RAF1: variants seen among roughly 807,000 people sequenced by gnomAD.
The protein encoded by RAF1 is Raf-1 proto-oncogene, serine/threonine kinase.
RAF1 carries 27 observed loss-of-function variants against 81.1 expected under a neutral mutation model. The observed-to-expected ratio is 0.33, with a 90% CI of 0.25 to 0.46. The LOEUF (loss-of-function observed/expected upper bound fraction) is 0.46. Ranked by LOEUF, RAF1 falls within the 20% of genes least tolerant of loss-of-function variation. The pLI, the probability that RAF1 is intolerant of heterozygous loss-of-function variation, is 1.00. For missense variants in RAF1, 598 were observed against 826.0 expected, an observed-to-expected ratio of 0.72 and a Z score of 3.38; for synonymous variants, 298 against 294.0, an observed-to-expected ratio of 1.01 and a Z score of -0.14.
chr3:12,661,109 G>A (rs1013761335), intron 1 of RAF1, among the ~76,000 whole-genome samples: 2 of 152,140 alleles, frequency 1.3e-5, no homozygotes, highest in African/African-American at 4.8e-5. Flanking sequence ...AATCCTGAAT[G>A]TTCTTCAGTG....
intron 6 of RAF1, among the ~76,000 whole-genome samples, chr3:12,604,767 C>A (rs577881055): frequency 6.6e-6 from 1 of 152,224 alleles, no homozygotes; most frequent in East Asian, 1.9e-4. Flanking sequence ...CCTGCTACAA[C>A]CAGCAAACAA....
intron 5 of RAF1, among the ~76,000 whole-genome samples, chr3:12,607,325 T>C (rs977179687): frequency 6.6e-6 from 1 of 152,130 alleles, no homozygotes. Context: ...ATGACAACAC[T>C]GAGATTTTGA....
chr3:12,618,696 T>C lies in RAF1; in HGVS notation c.26A>G (p.Lys9Arg). 6.2e-7 allele frequency: 1 copy of C among 1,614,210 alleles called. No homozygotes were observed. The highest frequency in any genetic ancestry group is 8.5e-7 in the Non-Finnish European group (1 of 1,180,048). ...GAATCCAAAACCATTGCTGATCGTCTTCCAAGCTCCCTGTATGTGCTCCAT... is the reference window on the plus strand; with the variant it reads ...GAATCCAAAACCATTGCTGATCGTCCTCCAAGCTCCCTGTATGTGCTCCAT... Residue 9 changes from lysine (K) to arginine (R), a missense_variant, in exon 2 of 18, where the codon AAG becomes AGG. Lys to Arg is a conservative substitution (Grantham distance 26). This residue lies in a region of RAF1 where 83 missense variants were observed against 72.3 expected (regional missense o/e 1.15). Coordinates refer to ENST00000442415, the MANE Select transcript of RAF1 (RefSeq NM_001354689.3).
chr3:12,656,186 A>G (rs1472065628), intron 1 of RAF1, among the ~76,000 whole-genome samples: 5 of 150,280 alleles, frequency 3.3e-5, no homozygotes, highest in South Asian at 2.1e-4. Context: ...AAATCACACT[A>G]TAATGCTGGA....
chr3:12,662,010 C>A (rs1374493110), intron 1 of RAF1, among the ~76,000 whole-genome samples: 2 of 151,808 alleles, frequency 1.3e-5, no homozygotes, highest in East Asian at 1.9e-4. Flanking sequence ...CATAGTGTGA[C>A]CCCCTCTCTA....
chr3:12,638,473 A>T (rs913203255), intron 1 of RAF1, among the ~76,000 whole-genome samples: 1 of 152,214 alleles, frequency 6.6e-6, no homozygotes, highest in Non-Finnish European at 1.5e-5. Context: ...AGTTCATCAA[A>T]CAAGTCCCAA....
Position 12,602,978 on chromosome 3 carries a change from C to G in RAF1, c.894+500G>C, listed in dbSNP as rs113683948. 3.3e-5 allele frequency among the ~76,000 whole-genome samples: 5 copies of G among 152,266 alleles called. 1 individual carries two copies. Among genetic ancestry groups the G allele is most frequent in the African/African-American group, 9.6e-5 (4 of 41,544 alleles). On this transcript the variant is annotated intron_variant, in intron 8 of 17. Transcript: ENST00000442415. ...AGAATACCAATGCTGTGAGCACCAA[C>G]TAAGTAAGTCTAACATTAGCCTTTG...
intron 1 of RAF1, among the ~76,000 whole-genome samples, chr3:12,632,915 A>T (rs2059905353): frequency 6.6e-6 from 1 of 152,218 alleles, no homozygotes; most frequent in African/African-American, 2.4e-5. Flanking sequence ...TGACTGGAGG[A>T]TTCCAGACCC....
rs2058261337 is a variant in RAF1, at chr3:12,584,629, T to A, written c.1892A>T (p.His631Leu). 6.2e-7 allele frequency: 1 copy of A among 1,613,650 alleles called. No homozygotes were observed. Among genetic ancestry groups the A allele is most frequent in the Non-Finnish European group, 8.5e-7 (1 of 1,179,872 alleles). ...GCTCCGGTTGATCTTCGGTAGAGAGTGTTGGAGCAGCTCAATGGAAGACAG... is the reference window on the plus strand; with the variant it reads ...GCTCCGGTTGATCTTCGGTAGAGAGAGTTGGAGCAGCTCAATGGAAGACAG... The change falls in exon 18 of 18, where the codon CAC (histidine) becomes CTC (leucine). Residue 631 changes from histidine (H) to leucine (L), a missense_variant. His to Leu is a moderately conservative substitution (Grantham distance 99). Transcript: ENST00000442415.
intron 2 of RAF1, among the ~76,000 whole-genome samples, chr3:12,617,690 A>G (rs981238836): frequency 6.6e-6 from 1 of 152,026 alleles, no homozygotes; most frequent in African/African-American, 2.4e-5. Context: ...GTTTGAGACC[A>G]GCCTGGTTAA....
chr3:12,629,158 T>C (rs1393358932), intron 1 of RAF1, among the ~76,000 whole-genome samples: 1 of 152,186 alleles, frequency 6.6e-6, no homozygotes, highest in African/African-American at 2.4e-5. Flanking sequence ...ACAATGGTAG[T>C]TGTAGAATCC....
intron 11 of RAF1, among the ~76,000 whole-genome samples, chr3:12,595,339 TG>T (rs1464882043): frequency 6.6e-6 from 1 of 152,186 alleles, no homozygotes; most frequent in Non-Finnish European, 1.5e-5. Flanking sequence ...CCTAAAGTGT[TG>T]GGGTTATAGA....
chr3:12,597,429 TGGCTTTTAGCTGG>T (rs1484823003), intron 11 of RAF1, among the ~76,000 whole-genome samples: 1 of 152,220 alleles, frequency 6.6e-6, no homozygotes, highest in Non-Finnish European at 1.5e-5. Flanking sequence ...CTTCATCCGC[TGGCTTTTAGCTGG>T]GGCTTTTAAA....
chr3:12,595,700 C>T (rs1415443342), intron 11 of RAF1, among the ~76,000 whole-genome samples: 2 of 152,040 alleles, frequency 1.3e-5, no homozygotes, highest in African/African-American at 4.8e-5. Flanking sequence ...CACCCTCGCC[C>T]TCCATGCAAA....
chr3:12,652,133 T>C (rs2060551340), intron 1 of RAF1, among the ~76,000 whole-genome samples: 2 of 151,528 alleles, frequency 1.3e-5, no homozygotes, highest in South Asian at 2.1e-4. Context: ...GGAGAATCGC[T>C]TGAACCCAGG....
At chr3:12,604,011 A>C (rs1575572700) in intron 7 of RAF1, 125 bp downstream of exon 7, 8 of 1,086,610 alleles carry the variant, frequency 7.4e-6, no homozygotes, top group Non-Finnish European at 1.1e-5. Flanking sequence ...AAACTGTAAA[A>C]GTCCAGAGAC....
At position 12,604,225 on chromosome 3, in the gene RAF1, C is replaced by T. The variant is rs1575573452; in HGVS notation, c.745G>A (p.Gly249Ser). 2.5e-6 allele frequency: 4 copies of T among 1,614,144 alleles called. No homozygotes were observed. The highest frequency in any genetic ancestry group is 3.4e-6 in the Non-Finnish European group (4 of 1,180,024). Residue 249 changes from glycine (G) to serine (S), a missense_variant, in exon 7 of 18, where the codon GGT (glycine) becomes AGT (serine). This residue lies in a region of RAF1 where 194 missense variants were observed against 202.7 expected (regional missense o/e 0.96). Transcript: ENST00000442415. ...GACCTCTGCCTCTGGGAGAGGGAACCTTCAGATGAGGGACTGGAGGTGTTA... is the reference window on the plus strand; with the variant it reads ...GACCTCTGCCTCTGGGAGAGGGAACTTTCAGATGAGGGACTGGAGGTGTTA...
rs1204761754 is a variant in RAF1, at chr3:12,636,442, T to TA, written c.-26-17696_-26-17695insT. 3.3e-4 allele frequency among the ~76,000 whole-genome samples: 13 copies of TA among 39,736 alleles called. No homozygotes were observed. The South Asian group carries it at 4.5e-3, about 14-fold the overall frequency. 26.1% of individuals were successfully genotyped at this position (39,736 alleles called of 152,430 possible). Reference sequence around the variant, plus strand: ...GGCAACATAACAAGACTGTATATCTTTAAAAAAAAAAAAACTGATTGATTA... The same window carrying TA: ...GGCAACATAACAAGACTGTATATCTTATAAAAAAAAAAAAACTGATTGATTA... On this transcript the variant is annotated intron_variant, in intron 1 of 17. Transcript: ENST00000442415.
intron 1 of RAF1, among the ~76,000 whole-genome samples, chr3:12,620,593 C>G (rs1338394275): frequency 6.6e-6 from 1 of 152,080 alleles, no homozygotes; most frequent in Non-Finnish European, 1.5e-5. Flanking sequence ...ACCTCAGCTT[C>G]CCACATAGCT....
Sources: allele counts gnomAD v4.1 joint callset (sites outside exome capture counted in the v4.1 genomes callset), GRCh38; gene constraint gnomAD v4.1.1; regional missense constraint gnomAD v4.1.1; transcripts MANE v1.5; gene names NCBI Gene and HGNC (gene_info 2026-07-23, HGNC 2026-07-21).